XKR4: variants seen among roughly 807,000 people sequenced by gnomAD.
XKR4 encodes XK-related protein 4.
Under a neutral mutation model 53.9 loss-of-function variants are expected in XKR4, and 12 were observed. That is an observed-to-expected ratio of 0.22 (90% CI 0.14 to 0.36). The LOEUF is 0.36. Among genes scored for constraint, XKR4 ranks in the 10% least tolerant of loss-of-function variants. The pLI is 1.00. For missense variants in XKR4, 799 were observed against 859.5 expected, an observed-to-expected ratio of 0.93 and a Z score of 0.88; for synonymous variants, 354 against 362.4, an observed-to-expected ratio of 0.98 and a Z score of 0.26.
At chr8:55,205,591 A>T (rs1336780567) in intron 1 of XKR4, among the ~76,000 whole-genome samples, 2 of 152,194 alleles carry the variant, frequency 1.3e-5, no homozygotes, top group Non-Finnish European at 2.9e-5. Context: ...ATTAGTGAAA[A>T]ATGTGACCTA....
chr8:55,287,541 T>C (rs1818924981), intron 1 of XKR4, among the ~76,000 whole-genome samples: 2 of 152,220 alleles, frequency 1.3e-5, no homozygotes. Context: ...TTGAACCTAA[T>C]GAGAGATGGA....
chr8:55,205,297 T>C (rs753395801), intron 1 of XKR4, among the ~76,000 whole-genome samples: 1 of 152,250 alleles, frequency 6.6e-6, no homozygotes, highest in Non-Finnish European at 1.5e-5. Context: ...TGACATTTTA[T>C]TTTGTTTTGT....
In XKR4 at chr8:55,450,205, A is replaced by T. The variant is rs942232064; in HGVS notation, c.1007-73076A>T. On this transcript the variant is annotated intron_variant, in intron 2 of 2. Coordinates refer to ENST00000327381, the MANE Select transcript of XKR4 (RefSeq NM_052898.2). Reference sequence around the variant, plus strand: ...GCAGCTGTGGTAGCAGGGCCACACCACACAGCACCTGCTCTGGGGAGCGCC... The same window carrying T: ...GCAGCTGTGGTAGCAGGGCCACACCTCACAGCACCTGCTCTGGGGAGCGCC... The T allele has an allele frequency of 3.5e-5, 23 of 651,942 alleles. No individual in the cohort carries two copies. In the Admixed American group the frequency reaches 3.9e-4, roughly 11 times the overall value. The allele number at this position is 651,942 out of a possible 1,614,324, so 40.4% of individuals were successfully genotyped here.
At chr8:55,331,673 G>C (rs756739739) in intron 1 of XKR4, among the ~76,000 whole-genome samples, 1 of 152,064 alleles carries the variant, frequency 6.6e-6, no homozygotes, top group African/African-American at 2.4e-5. Flanking sequence ...TTGATAAATT[G>C]ACCCTTTATC....
intron 1 of XKR4, among the ~76,000 whole-genome samples, chr8:55,169,829 A>T (rs1158670066): frequency 6.6e-6 from 1 of 152,246 alleles, no homozygotes; most frequent in Non-Finnish European, 1.5e-5. Flanking sequence ...ATATTTGTAT[A>T]GATAAGAAAT....
rs545425414 is a variant in XKR4 at position 55,161,714 on chromosome 8, A to C, written c.806+58420A>C. 6.9e-6 allele frequency: 3 copies of C among 437,090 alleles called. No individual in the cohort carries two copies. In the Admixed American group the frequency reaches 7.3e-5, roughly 11 times the overall value. 27.1% of individuals were successfully genotyped at this position (437,090 alleles called of 1,614,324 possible). ...CTACTGGTCACTGAGCAATTCCTCC[A>C]GGCAGGTGCCACCCATGGCCACTTA... On this transcript the variant is annotated intron_variant, in intron 1 of 2. Transcript: ENST00000327381.
intron 2 of XKR4, among the ~76,000 whole-genome samples, chr8:55,446,694 C>T (rs1805353106): frequency 6.6e-6 from 1 of 152,166 alleles, no homozygotes. Context: ...CCATTGCGAC[C>T]AGCTTGCCCA....
At chr8:55,133,971 T>C (rs2129353358) in intron 1 of XKR4, among the ~76,000 whole-genome samples, 1 of 152,308 alleles carries the variant, frequency 6.6e-6, no homozygotes, top group Non-Finnish European at 1.5e-5. Flanking sequence ...ACTGGGGAGA[T>C]TCACAAATTC....
intron 2 of XKR4, among the ~76,000 whole-genome samples, chr8:55,470,062 A>G (rs2129399950): frequency 6.6e-6 from 1 of 152,154 alleles, no homozygotes; most frequent in African/African-American, 2.4e-5. Context: ...ACTCAGCTCT[A>G]TCTGATGTAA....
At chr8:55,393,885 C>T (rs1019219326) in intron 2 of XKR4, among the ~76,000 whole-genome samples, 4 of 152,126 alleles carry the variant, frequency 2.6e-5, no homozygotes, top group Non-Finnish European at 5.9e-5. Flanking sequence ...TTCAAAAAGT[C>T]GAGATTGTGC....
intron 2 of XKR4, among the ~76,000 whole-genome samples, chr8:55,448,511 A>T (rs918236835): frequency 2.0e-5 from 3 of 152,232 alleles, no homozygotes; most frequent in African/African-American, 4.8e-5. Flanking sequence ...CTAGCTCATA[A>T]GTGAGATGGT....
In XKR4 at chr8:55,537,331, T is replaced by G. The variant is rs958867519; in HGVS notation, c.*13104T>G. On this transcript the variant is annotated 3_prime_UTR_variant, in exon 3 of 3. Transcript: ENST00000327381. ...TTGCGTTCCTGATTATTTGTGGACA[T>G]TTCTTCATTGTGACTGTAGGAAGCT... 1 of 152,244 alleles carries G rather than the reference T, an allele frequency of 6.6e-6. No individual in the cohort carries two copies. The highest frequency in any genetic ancestry group is 1.5e-5 in the Non-Finnish European group (1 of 68,040). The allele number at this position is 152,244 out of a possible 1,614,324, so 9.4% of individuals were successfully genotyped here.
chr8:55,254,369 T>C (rs944821237), intron 1 of XKR4, among the ~76,000 whole-genome samples: 6 of 152,164 alleles, frequency 3.9e-5, no homozygotes, highest in East Asian at 3.9e-4. Flanking sequence ...CCTGTCACAA[T>C]TGGTGCTCTC....
At chr8:55,443,500 G>A (rs1441977531) in intron 2 of XKR4, among the ~76,000 whole-genome samples, 1 of 99,492 alleles carries the variant, frequency 1.0e-5, no homozygotes, top group Non-Finnish European at 1.9e-5. Context: ...AAACAATACT[G>A]TTTGTTTGTA....
chr8:55,339,608 CT>C (rs1803511737), intron 1 of XKR4, among the ~76,000 whole-genome samples: 1 of 152,132 alleles, frequency 6.6e-6, no homozygotes. Context: ...CCTTCTTTTT[CT>C]TTAATGTTAG....
At chr8:55,190,135 T>C (rs1817425929) in intron 1 of XKR4, among the ~76,000 whole-genome samples, 1 of 152,116 alleles carries the variant, frequency 6.6e-6, no homozygotes, top group Non-Finnish European at 1.5e-5. Flanking sequence ...TGTCTATGAA[T>C]GGAGCCTGTG....
In XKR4 at chr8:55,507,949, G is replaced by A. The variant is rs537282259; in HGVS notation, c.1007-15332G>A. Among the ~76,000 whole-genome samples, 8 of 152,200 alleles carry A rather than the reference G, an allele frequency of 5.3e-5. No homozygotes were observed. The East Asian group carries it at 1.4e-3, about 26-fold the overall frequency. ...ACTGACTTCCACAATGGTTGAACTAGTTTACAGTCCCACCAACAGTGTAAA... is the reference window on the plus strand; with the variant it reads ...ACTGACTTCCACAATGGTTGAACTAATTTACAGTCCCACCAACAGTGTAAA... On this transcript the variant is annotated intron_variant, in intron 2 of 2. Transcript: ENST00000327381.
At chr8:55,489,952 A>G (rs1696304249) in intron 2 of XKR4, among the ~76,000 whole-genome samples, 1 of 152,200 alleles carries the variant, frequency 6.6e-6, no homozygotes, top group Non-Finnish European at 1.5e-5. Flanking sequence ...TGCTATTGCC[A>G]TCATACATTT....
At chr8:55,253,768 C>T (rs1047602651) in intron 1 of XKR4, among the ~76,000 whole-genome samples, 7 of 138,374 alleles carry the variant, frequency 5.1e-5, no homozygotes, top group Non-Finnish European at 9.1e-5. Flanking sequence ...GGGTCTCACT[C>T]TGTTGCCCAG....
Sources: gnomAD v4.1 joint callset for allele counts (sites outside exome capture counted in the v4.1 genomes callset) on GRCh38, gnomAD v4.1.1 for gene constraint, MANE v1.5 for transcripts, NCBI Gene and HGNC (gene_info 2026-07-23, HGNC 2026-07-21) for gene names.